The following GRB10 variants were observed in gnomAD, a reference collection of about 807,000 sequenced individuals.
GRB10 encodes the protein growth factor receptor-bound protein 10.
In GRB10, 20 loss-of-function variants were observed where a neutral mutation model predicts 80.9. The ratio of observed to expected loss-of-function variants is 0.25; its 90% CI spans 0.17 to 0.36. GRB10 has a LOEUF of 0.36. GRB10 is among the 10% of genes least tolerant of loss of function. The probability of loss-of-function intolerance (pLI) is 1.00; values close to 1 mark genes in which losing one functional copy is unlikely to be tolerated. For missense variants in GRB10, 548 were observed against 747.7 expected (o/e 0.73, Z 3.12); for synonymous variants, 291 against 291.5 (o/e 1.00, Z 0.02).
chr7:50,595,601 T>TGA, intron 17 of GRB10, 71 bp from the exon 18 acceptor site: 11 of 556,318 alleles, frequency 2.0e-5, no homozygotes, highest in Admixed American at 5.1e-5. Context: ...ACACACTCTC[T>TGA]TACACACACA....
intron 8 of GRB10, among the ~76,000 whole-genome samples, 179 bp from the exon 9 acceptor site, chr7:50,619,464 G>A (rs761765840): frequency 6.6e-6 from 1 of 152,164 alleles, no homozygotes; most frequent in Non-Finnish European, 1.5e-5. Flanking sequence ...TGCATAAGAG[G>A]TCTTAAGATA....
At chr7:50,713,136 T>TG (rs997800633) in intron 4 of GRB10, among the ~76,000 whole-genome samples, 6 of 152,204 alleles carry the variant, frequency 3.9e-5, no homozygotes, top group African/African-American at 1.2e-4. Context: ...TACATGACCT[T>TG]GGGGAAGACA....
In GRB10 at chr7:50,674,538, C is replaced by A. The variant is rs1013641581; in HGVS notation, c.260G>T (p.Arg87Leu). Residue 87 changes from arginine to leucine, a missense_variant, in exon 6 of 19, where the codon CGC (arginine) becomes CTC (leucine). Transcript: ENST00000401949. The part of the protein sequence containing the change: ...VPLLQNGQHA[R>L]SQPRASGPPR... ...AGGGCCTGAAGCCCGAGGCTGGCTG[C>A]GGGCATGCTGGCCATTCTGCAGGAG... 1 of 1,611,334 alleles carries A rather than the reference C, an allele frequency of 6.2e-7. No individual in the cohort carries two copies. The highest frequency in any genetic ancestry group is 8.5e-7 in the Non-Finnish European group (1 of 1,179,986).
chr7:50,627,665 A>G (rs763399221), intron 7 of GRB10, among the ~76,000 whole-genome samples: 5 of 152,218 alleles, frequency 3.3e-5, no homozygotes, highest in Non-Finnish European at 7.3e-5. Context: ...AGGGATGGAG[A>G]AGTAGAGTCC....
At chr7:50,739,357 C>T (rs984921505) in intron 3 of GRB10, among the ~76,000 whole-genome samples, 6 of 152,146 alleles carry the variant, frequency 3.9e-5, no homozygotes, top group African/African-American at 1.4e-4. Context: ...GCCCTCACCT[C>T]GCAGCTAATT....
In GRB10 at chr7:50,592,826, C is replaced by T. The variant is rs2045971572; in HGVS notation, c.*126G>A. On this transcript the variant is annotated 3_prime_UTR_variant, in exon 19 of 19. Coordinates refer to ENST00000401949, the MANE Select transcript of GRB10 (RefSeq NM_001350814.2). Reference sequence around the variant, plus strand: ...CTAGTCAATCTTGGTCGGCTGGCACCGAACAAACCCATCTCGCTCTGGGTC... The same window carrying T: ...CTAGTCAATCTTGGTCGGCTGGCACTGAACAAACCCATCTCGCTCTGGGTC... 16 of 1,121,588 alleles carry T rather than the reference C, an allele frequency of 1.4e-5. 1 individual carries two copies. The highest frequency in any genetic ancestry group is 4.7e-5 in the East Asian group (2 of 42,220). 69.5% of individuals were successfully genotyped at this position (1,121,588 alleles called of 1,614,324 possible).
chr7:50,593,351 C>G (rs79161692), intron 18 of GRB10, among the ~76,000 whole-genome samples: 1 of 152,132 alleles, frequency 6.6e-6, no homozygotes, highest in Non-Finnish European at 1.5e-5. Flanking sequence ...AGCTCCCCTG[C>G]TCCCTAAGGT....
chr7:50,749,126 T>G lies in GRB10; in HGVS notation c.-47+6761A>C, dbSNP rs1367562647. On this transcript the variant is annotated intron_variant, in intron 3 of 18. Transcript: ENST00000401949. Reference sequence around the variant, plus strand: ...TGGGTTTTTTTGTTTTGTTTTGTTTTTTTGTTTGTTTTTTTTTTTTGAGAT... The same window carrying G: ...TGGGTTTTTTTGTTTTGTTTTGTTTGTTTGTTTGTTTTTTTTTTTTGAGAT... Among the ~76,000 whole-genome samples, 3 of 77,240 alleles carry G rather than the reference T, an allele frequency of 3.9e-5. No individual in the cohort carries two copies. In the Admixed American group the frequency reaches 5.0e-4, roughly 13 times the overall value. 50.7% of individuals were successfully genotyped at this position (77,240 alleles called of 152,430 possible).
intron 1 of GRB10, among the ~76,000 whole-genome samples, chr7:50,789,974 A>G (rs2078846319): frequency 6.6e-6 from 1 of 152,188 alleles, no homozygotes; most frequent in South Asian, 2.1e-4. Context: ...GACTGCTTTT[A>G]TCTCCCTGCA....
At chr7:50,787,467 T>C (rs1168680912), upstream of GRB10, among the ~76,000 whole-genome samples, 1 of 152,112 alleles carries the variant, frequency 6.6e-6, no homozygotes, top group Non-Finnish European at 1.5e-5. Context: ...TTGCTCTGGG[T>C]GTTGAGGAAT....
chr7:50,667,843 C>T (rs911561830), intron 7 of GRB10, among the ~76,000 whole-genome samples: 4 of 152,182 alleles, frequency 2.6e-5, no homozygotes, highest in Admixed American at 6.5e-5. Flanking sequence ...CAAAATTCCC[C>T]GGTTTCCTTG....
intron 4 of GRB10, chr7:50,727,741 A>C (rs2068886429): frequency 6.6e-6 from 1 of 151,686 alleles, no homozygotes; most frequent in South Asian, 2.1e-4. Context: ...AAAAAAAAAA[A>C]ACTTACATTC....
chr7:50,654,363 C>A (rs1307573430), intron 7 of GRB10, among the ~76,000 whole-genome samples: 2 of 152,180 alleles, frequency 1.3e-5, no homozygotes, highest in Non-Finnish European at 2.9e-5. Flanking sequence ...TATTCTCCTG[C>A]CTTCAGGTGG....
chr7:50,712,791 G>A (rs1456578825), intron 4 of GRB10, among the ~76,000 whole-genome samples: 1 of 152,170 alleles, frequency 6.6e-6, no homozygotes, highest in Non-Finnish European at 1.5e-5. Context: ...ACAAGGGGAG[G>A]AGTCTATCAA....
intron 4 of GRB10, among the ~76,000 whole-genome samples, chr7:50,728,266 C>A (rs1323790648): frequency 6.6e-6 from 1 of 151,372 alleles, no homozygotes; most frequent in Non-Finnish European, 1.5e-5. Flanking sequence ...CACTCTTTCA[C>A]TAAAAATAAT....
chr7:50,675,142 C>T (rs752593506), intron 5 of GRB10, among the ~76,000 whole-genome samples: 3 of 152,190 alleles, frequency 2.0e-5, no homozygotes, highest in Non-Finnish European at 4.4e-5. Flanking sequence ...GGTTCCAGCC[C>T]AGAAAGGTTA....
At chr7:50,784,815 T>C (rs774773132), upstream of GRB10, among the ~76,000 whole-genome samples, 51 of 152,208 alleles carry the variant, frequency 3.4e-4, no homozygotes, top group Admixed American at 2.4e-3. Flanking sequence ...CCTGATGATA[T>C]ACTCAGTGGA....
At chr7:50,643,439 G>A (rs554095345) in intron 7 of GRB10, among the ~76,000 whole-genome samples, 2 of 152,266 alleles carry the variant, frequency 1.3e-5, no homozygotes, top group Admixed American at 6.5e-5. Flanking sequence ...AATCCCATCC[G>A]TCACGACAGG....
intron 2 of GRB10, among the ~76,000 whole-genome samples, chr7:50,760,215 A>C (rs2075607524): frequency 6.6e-6 from 1 of 152,216 alleles, no homozygotes; most frequent in Non-Finnish European, 1.5e-5. Context: ...ATAAATATAC[A>C]TGCACACATG....
Sources: gnomAD v4.1 joint callset for allele counts (sites outside exome capture counted in the v4.1 genomes callset) on GRCh38, gnomAD v4.1.1 for gene constraint, MANE v1.5 for transcripts, NCBI Gene and HGNC (gene_info 2026-07-23, HGNC 2026-07-21) for gene names.